The following STAG1 variants were observed in gnomAD, a reference collection of about 807,000 sequenced individuals.
STAG1 encodes STAG1 cohesin complex component, also known as cohesin subunit SA-1.
A neutral mutation model predicts 170.9 loss-of-function variants in STAG1; 26 were observed. The observed-to-expected ratio is 0.15, with a 90% confidence interval of 0.11 to 0.21. The LOEUF (loss-of-function observed/expected upper bound fraction) is 0.21, where lower values mean the gene tolerates loss of function less well. STAG1 is among the 10% of genes least tolerant of loss of function. The pLI is 1.00. For synonymous variants in STAG1, 514 were observed against 497.7 expected (o/e 1.03, Z -0.44); for missense variants, 964 against 1,509.5 (o/e 0.64, Z 5.99).
At chr3:136,690,044 G>A (rs2062322) in intron 1 of STAG1, among the ~76,000 whole-genome samples, 84,455 of 111,542 alleles carry the variant, frequency 0.76, 29,170 homozygotes, top group African/African-American at 0.91. Context: ...TGTAACAAAA[G>A]AAAAAGCAAA....
At chr3:136,704,207 C>T (rs1216028179) in intron 1 of STAG1, among the ~76,000 whole-genome samples, 1 of 151,576 alleles carries the variant, frequency 6.6e-6, no homozygotes, top group African/African-American at 2.4e-5. Context: ...TGCACCACGA[C>T]GCCTGGCTAC....
chr3:136,469,718 T>G (rs2089572012), intron 12 of STAG1, among the ~76,000 whole-genome samples: 1 of 152,212 alleles, frequency 6.6e-6, no homozygotes, highest in South Asian at 2.1e-4. Context: ...GGCATCAGGC[T>G]ATCTGACTTC....
At chr3:136,367,227 C>A in intron 24 of STAG1, 145 bp from the exon 25 acceptor site, 1 of 662,538 alleles carries the variant, frequency 1.5e-6, no homozygotes. Context: ...AAAACTGTTA[C>A]ATTAATTATT....
intron 1 of STAG1, among the ~76,000 whole-genome samples, chr3:136,740,629 A>G (rs1934616159): frequency 6.6e-6 from 1 of 151,972 alleles, no homozygotes; most frequent in Admixed American, 6.6e-5. Flanking sequence ...ACAGGTGCGC[A>G]CTACCACACC....
At chr3:136,649,980 G>A (rs914223327) in intron 1 of STAG1, among the ~76,000 whole-genome samples, 7 of 152,182 alleles carry the variant, frequency 4.6e-5, no homozygotes, top group Non-Finnish European at 8.8e-5. Context: ...TGTCAGCCAA[G>A]ATGGTCTTGA....
intron 1 of STAG1, among the ~76,000 whole-genome samples, chr3:136,652,323 T>C (rs1037937011): frequency 3.9e-5 from 6 of 152,226 alleles, no homozygotes; most frequent in African/African-American, 9.6e-5. Context: ...CATCACTTCA[T>C]TGCTGATTTA....
At chr3:136,387,985 G>A (rs2086913606) in intron 22 of STAG1, among the ~76,000 whole-genome samples, 3 of 152,146 alleles carry the variant, frequency 2.0e-5, no homozygotes, top group African/African-American at 7.2e-5. Flanking sequence ...AATCTATCAC[G>A]CTGTATCCCA....
chr3:136,655,212 G>A (rs1164142691), intron 1 of STAG1, among the ~76,000 whole-genome samples: 2 of 152,104 alleles, frequency 1.3e-5, no homozygotes, highest in Non-Finnish European at 2.9e-5. Context: ...CACAGAACAG[G>A]AGAAAACCTT....
intron 5 of STAG1, among the ~76,000 whole-genome samples, chr3:136,548,613 T>C (rs995289549): frequency 6.6e-6 from 1 of 152,214 alleles, no homozygotes; most frequent in Admixed American, 6.5e-5. Context: ...AAGACCACTT[T>C]AGGCAGTATG....
intron 1 of STAG1, among the ~76,000 whole-genome samples, chr3:136,727,678 AAT>A (rs1211941883): frequency 6.6e-6 from 1 of 152,210 alleles, no homozygotes; most frequent in African/African-American, 2.4e-5. Flanking sequence ...TAGTTATTCA[AAT>A]ATGTTCTCTA....
intron 1 of STAG1, among the ~76,000 whole-genome samples, chr3:136,699,285 T>C (rs575683560): frequency 1.2e-4 from 18 of 152,228 alleles, no homozygotes; most frequent in Non-Finnish European, 2.1e-4. Flanking sequence ...GAAGAAAATG[T>C]CTTTGCTGAG....
In STAG1 at chr3:136,521,220, G is replaced by A. The variant is rs778676090; in HGVS notation, c.669C>T (p.Thr223=). 3 of 1,612,880 alleles carry A rather than the reference G, an allele frequency of 1.9e-6. No individual in the cohort carries two copies. Among genetic ancestry groups the A allele is most frequent in the Admixed American group, 1.7e-5 (1 of 59,892 alleles). Residue 223 remains threonine (T), a synonymous_variant, in exon 7 of 34, where the codon ACC becomes ACT. Coordinates refer to ENST00000383202, the MANE Select transcript of STAG1 (RefSeq NM_005862.3). ...SQVRAFRHTS[T]LAAMKLMTAL... is the part of the protein sequence containing the mutation. ...AAAATGTTAATTACTTACCAGCCAG[G>A]GTACTTGTATGCCTAAAAGCTCTGA...
At chr3:136,651,376 T>TAAAAAAAAAAAAAAAAA (rs57372663) in intron 1 of STAG1, among the ~76,000 whole-genome samples, 1 of 121,992 alleles carries the variant, frequency 8.2e-6, no homozygotes, top group Non-Finnish European at 1.7e-5. Flanking sequence ...ACCAAAAATT[T>TAAAAAAAAAAAAAAAAA]AAAAAAAAAA....
chr3:136,726,468 G>A (rs190766180), intron 1 of STAG1, among the ~76,000 whole-genome samples: 95 of 152,314 alleles, frequency 6.2e-4, no homozygotes, highest in African/African-American at 2.2e-3. Flanking sequence ...CTGTCACCTG[G>A]GCTGGAGTGC....
At chr3:136,552,403 A>C (rs1043240820) in intron 5 of STAG1, among the ~76,000 whole-genome samples, 1 of 152,228 alleles carries the variant, frequency 6.6e-6, no homozygotes, top group Non-Finnish European at 1.5e-5. Context: ...ATTGTAAACA[A>C]TATTATTTAT....
chr3:136,510,353 G>A (rs578002148), intron 7 of STAG1, among the ~76,000 whole-genome samples: 19 of 151,924 alleles, frequency 1.3e-4, no homozygotes, highest in African/African-American at 3.9e-4. Flanking sequence ...GCAGTGGTGC[G>A]ATCTCAGCTC....
At chr3:136,682,506 C>T (rs1230538431) in intron 1 of STAG1, among the ~76,000 whole-genome samples, 1 of 150,324 alleles carries the variant, frequency 6.7e-6, no homozygotes, top group Non-Finnish European at 1.5e-5. Flanking sequence ...AAATATGTCA[C>T]ACGAAAAAAA....
intron 21 of STAG1, among the ~76,000 whole-genome samples, chr3:136,404,727 T>A (rs554202112): frequency 2.6e-4 from 40 of 152,298 alleles, no homozygotes; most frequent in African/African-American, 8.4e-4. Flanking sequence ...ATGACAGATA[T>A]CACACATCTT....
intron 1 of STAG1, among the ~76,000 whole-genome samples, chr3:136,657,847 G>A (rs1941443655): frequency 6.6e-6 from 1 of 152,088 alleles, no homozygotes; most frequent in African/African-American, 2.4e-5. Flanking sequence ...AAAAAAGGCT[G>A]AAAAGGAATG....
Sources: allele counts gnomAD v4.1 joint callset (sites outside exome capture counted in the v4.1 genomes callset), GRCh38; gene constraint gnomAD v4.1.1; transcripts MANE v1.5; gene names NCBI Gene and HGNC (gene_info 2026-07-23, HGNC 2026-07-21).